The following RERE variants were observed in gnomAD, a reference collection of about 807,000 sequenced individuals.
RERE encodes arginine-glutamic acid dipeptide repeats protein.
A neutral mutation model predicts 146.1 loss-of-function variants in RERE; 40 were observed. The ratio of observed to expected loss-of-function variants is 0.27; its 90% CI spans 0.21 to 0.36. The LOEUF (loss-of-function observed/expected upper bound fraction) is 0.36, where lower values mean the gene tolerates loss of function less well. Ranked by LOEUF, RERE falls within the 10% of genes least tolerant of loss-of-function variation. The pLI is 1.00. For missense variants in RERE, 1,933 were observed against 2,138.7 expected, an observed-to-expected ratio of 0.90 and a Z score of 1.90; for synonymous variants, 1,003 against 866.0, an observed-to-expected ratio of 1.16 and a Z score of -2.78.
chr1:8,502,767 C>G (rs1645192125), intron 8 of RERE, among the ~76,000 whole-genome samples: 1 of 147,560 alleles, frequency 6.8e-6, no homozygotes, highest in Non-Finnish European at 1.5e-5. Context: ...GCCTTGGGAT[C>G]CTGTTGATCT....
At chr1:8,679,014 A>G (rs1274522086) in intron 1 of RERE, among the ~76,000 whole-genome samples, 1 of 152,220 alleles carries the variant, frequency 6.6e-6, no homozygotes, top group Admixed American at 6.5e-5. Context: ...CACTAGCCAC[A>G]TTTCAGGTGC....
intron 12 of RERE, among the ~76,000 whole-genome samples, chr1:8,370,962 G>T (rs1642014052): frequency 6.6e-6 from 1 of 152,190 alleles, no homozygotes; most frequent in South Asian, 2.1e-4. Context: ...TTGTCGACAT[G>T]AATGGCCTAT....
chr1:8,357,390 G>A (rs1401228504), intron 20 of RERE, among the ~76,000 whole-genome samples: 13 of 152,326 alleles, frequency 8.5e-5, no homozygotes, highest in Admixed American at 8.5e-4. Flanking sequence ...GGGCAGGGGA[G>A]GCGCCTGGTG....
At chr1:8,812,759 A>G (rs183930517) in intron 1 of RERE, among the ~76,000 whole-genome samples, 10 of 152,338 alleles carry the variant, frequency 6.6e-5, no homozygotes, top group Non-Finnish European at 1.0e-4. Flanking sequence ...CACACAGTAC[A>G]TCTTATATTA....
intron 11 of RERE, among the ~76,000 whole-genome samples, chr1:8,426,252 A>G (rs1557626428): frequency 6.6e-6 from 1 of 152,086 alleles, no homozygotes; most frequent in Non-Finnish European, 1.5e-5. Flanking sequence ...CAGGAGATCG[A>G]GACCATCCTG....
At chr1:8,795,982 C>CAAAAAAAAAAA (rs556814425) in intron 1 of RERE, among the ~76,000 whole-genome samples, 1 of 30,018 alleles carries the variant, frequency 3.3e-5, no homozygotes, top group Non-Finnish European at 6.8e-5. Flanking sequence ...AACTCCGTCT[C>CAAAAAAAAAAA]AAAAAAAAAA....
chr1:8,528,055 TCTC>T (rs1261540396), intron 7 of RERE, among the ~76,000 whole-genome samples: 16 of 152,118 alleles, frequency 1.1e-4, no homozygotes, highest in Non-Finnish European at 2.1e-4. Flanking sequence ...ACCACCCAAC[TCTC>T]CTATTTTGTA....
At chr1:8,730,408 T>C (rs1640056656) in intron 1 of RERE, among the ~76,000 whole-genome samples, 1 of 152,204 alleles carries the variant, frequency 6.6e-6, no homozygotes, top group Admixed American at 6.5e-5. Flanking sequence ...AGTGGCGCGA[T>C]CTCGGCTCAC....
intron 2 of RERE, among the ~76,000 whole-genome samples, chr1:8,648,955 T>A (rs1647458845): frequency 7.6e-6 from 1 of 132,262 alleles, no homozygotes; most frequent in African/African-American, 2.8e-5. Context: ...TAGCAAGCAA[T>A]ACCAATATGC....
chr1:8,376,995 T>G (rs758744970), intron 12 of RERE, among the ~76,000 whole-genome samples: 5 of 152,262 alleles, frequency 3.3e-5, no homozygotes, highest in Non-Finnish European at 5.9e-5. Context: ...CCTTGTTTGT[T>G]TGTAAATAAA....
At chr1:8,586,811 T>G (rs1646433380) in intron 4 of RERE, among the ~76,000 whole-genome samples, 2 of 151,756 alleles carry the variant, frequency 1.3e-5, no homozygotes, top group African/African-American at 4.8e-5. Flanking sequence ...GTTAAGAAAA[T>G]AGAAACACAA....
rs188131735 is a variant in RERE, at chr1:8,520,302, C to T, written c.831-11627G>A. On this transcript the variant is annotated intron_variant, in intron 7 of 22. Coordinates refer to ENST00000400908, the MANE Select transcript of RERE (RefSeq NM_001042681.2). ...AGAAAAGTGCTCTTTTAAGGGGTCA[C>T]ACTGAGTTAATTACTGAAGAAGACT... is the stretch of plus-strand genomic sequence containing the variant. Among the ~76,000 whole-genome samples the T allele has an allele frequency of 3.4e-4, 51 of 152,238 alleles. 1 individual carries two copies. The highest frequency in any genetic ancestry group is 9.2e-4 in the Admixed American group (14 of 15,294).
intron 1 of RERE, among the ~76,000 whole-genome samples, chr1:8,793,494 C>T (rs563636805): frequency 3.9e-5 from 6 of 152,290 alleles, no homozygotes; most frequent in Admixed American, 3.9e-4. Flanking sequence ...AAGACCCAAG[C>T]AAAATGGACT....
intron 2 of RERE, among the ~76,000 whole-genome samples, chr1:8,631,265 T>C (rs1027165494): frequency 6.6e-6 from 1 of 152,226 alleles, no homozygotes; most frequent in East Asian, 1.9e-4. Context: ...CCAGGCATGG[T>C]GGCACATGCC....
In RERE at chr1:8,429,876, G is replaced by A. The variant is rs775260960; in HGVS notation, c.1204-7069C>T. ...CTAGTAAGCAAACTACAGCTCCCCC[G>A]AGGAGACACACAGGCAGTGGGTAAG... On this transcript the variant is annotated intron_variant, in intron 11 of 22. Transcript: ENST00000400908. 1.2e-4 allele frequency: 19 copies of A among 152,468 alleles called. No individual in the cohort carries two copies. The East Asian group carries it at 1.3e-3, about 11-fold the overall frequency. 9.4% of individuals were successfully genotyped at this position (152,468 alleles called of 1,614,324 possible). A position where few individuals can be genotyped will look rare whatever the true frequency, so the allele number is the denominator to read the frequency against.
At chr1:8,447,144 A>T (rs1308055698) in intron 11 of RERE, among the ~76,000 whole-genome samples, 1 of 150,382 alleles carries the variant, frequency 6.6e-6, no homozygotes, top group Non-Finnish European at 1.5e-5. Context: ...CAGCTCCATC[A>T]GATCATTTAT....
chr1:8,444,989 G>C (rs1644299512), intron 11 of RERE, among the ~76,000 whole-genome samples: 2 of 151,392 alleles, frequency 1.3e-5, no homozygotes, highest in African/African-American at 4.9e-5. Context: ...ATATTTAAAA[G>C]AGTGAGGGGA....
chr1:8,809,412 AG>A (rs1195300851), intron 1 of RERE, among the ~76,000 whole-genome samples: 5 of 152,222 alleles, frequency 3.3e-5, no homozygotes, highest in Non-Finnish European at 7.3e-5. Flanking sequence ...TTTCATGCTA[AG>A]TCCTTAGGCA....
chr1:8,479,924 G>A (rs1644808339), intron 10 of RERE, among the ~76,000 whole-genome samples: 1 of 152,060 alleles, frequency 6.6e-6, no homozygotes, highest in South Asian at 2.1e-4. Flanking sequence ...ATGAATACTA[G>A]GGCAAATATT....
Sources: allele counts gnomAD v4.1 joint callset (sites outside exome capture counted in the v4.1 genomes callset), GRCh38; gene constraint gnomAD v4.1.1; transcripts MANE v1.5; gene names NCBI Gene and HGNC (gene_info 2026-07-23, HGNC 2026-07-21).